The following ANKH variants were observed in gnomAD, a reference collection of about 807,000 sequenced individuals.
The protein encoded by ANKH is ANKH inorganic pyrophosphate transport regulator, also known as mineralization regulator ANKH.
A neutral mutation model predicts 49.0 loss-of-function variants in ANKH; 15 were observed. That is an observed-to-expected ratio of 0.31 (90% CI 0.20 to 0.47). ANKH has a LOEUF of 0.47. Ranked by LOEUF, ANKH falls within the 20% of genes least tolerant of loss-of-function variation. The pLI, the probability that ANKH is intolerant of heterozygous loss-of-function variation, is 1.00. For missense variants in ANKH, 429 were observed against 652.0 expected, an observed-to-expected ratio of 0.66 and a Z score of 3.72; for synonymous variants, 273 against 260.0, an observed-to-expected ratio of 1.05 and a Z score of -0.48.
intron 1 of ANKH, among the ~76,000 whole-genome samples, chr5:14,789,121 G>A (rs187970978): frequency 3.9e-5 from 6 of 152,170 alleles, no homozygotes; most frequent in South Asian, 4.2e-4. Context: ...CCAGCTACTC[G>A]GGAGGCTGAG....
intron 8 of ANKH, among the ~76,000 whole-genome samples, chr5:14,736,830 T>C (rs1738202228): frequency 6.6e-6 from 1 of 152,188 alleles, no homozygotes; most frequent in Non-Finnish European, 1.5e-5. Context: ...AGAGATCCCA[T>C]TTCCATTGTG....
intron 1 of ANKH, among the ~76,000 whole-genome samples, chr5:14,822,164 C>T (rs1192898922): frequency 6.6e-6 from 1 of 152,156 alleles, no homozygotes; most frequent in East Asian, 1.9e-4. Flanking sequence ...CTAGTCTGAA[C>T]TGTGATGTGC....
At chr5:14,719,245 G>A (rs1737588277) in intron 8 of ANKH, among the ~76,000 whole-genome samples, 1 of 152,172 alleles carries the variant, frequency 6.6e-6, no homozygotes, top group Non-Finnish European at 1.5e-5. Flanking sequence ...TTCTACCCTA[G>A]AACTCTAAAC....
At chr5:14,764,468 A>C (rs1253747213) in intron 2 of ANKH, among the ~76,000 whole-genome samples, 4 of 152,226 alleles carry the variant, frequency 2.6e-5, no homozygotes, top group Non-Finnish European at 5.9e-5. Flanking sequence ...GTTCGCCAAC[A>C]AGGAGCCCAC....
intron 1 of ANKH, among the ~76,000 whole-genome samples, chr5:14,849,688 G>C (rs1029310571): frequency 3.3e-5 from 5 of 152,188 alleles, no homozygotes; most frequent in African/African-American, 1.2e-4. Flanking sequence ...GTCTTCTCAC[G>C]AATGTTGCTC....
In ANKH at chr5:14,750,970, T is replaced by G. The variant is rs944403673; in HGVS notation, c.687+99A>C. 1.2e-5 allele frequency: 18 copies of G among 1,479,210 alleles called. No individual in the cohort carries two copies. In the Admixed American group the frequency reaches 2.9e-4, roughly 24 times the overall value. 91.6% of individuals were successfully genotyped at this position (1,479,210 alleles called of 1,614,324 possible). On this transcript the variant is annotated intron_variant, in intron 5 of 11. Transcript: ENST00000284268. Reference sequence around the variant, plus strand: ...GGGTATGACATCCTGGCCAACTTCATGTTTTGATGTCACTGATTTCTCATT... The same window carrying G: ...GGGTATGACATCCTGGCCAACTTCAGGTTTTGATGTCACTGATTTCTCATT...
chr5:14,825,889 T>C (rs1461467551), intron 1 of ANKH: 2 of 152,428 alleles, frequency 1.3e-5, no homozygotes, highest in Admixed American at 6.5e-5. Context: ...CATCATGTTA[T>C]GTAACCTCCA....
intron 1 of ANKH, among the ~76,000 whole-genome samples, chr5:14,845,029 G>GAA (rs35839744): frequency 2.6e-5 from 3 of 114,052 alleles, no homozygotes; most frequent in African/African-American, 3.0e-5. Context: ...AAGCGTGCAA[G>GAA]AAAAAAAAAA....
intron 2 of ANKH, among the ~76,000 whole-genome samples, chr5:14,765,607 G>GA (rs369395796): frequency 1.2e-4 from 17 of 146,656 alleles, no homozygotes; most frequent in East Asian, 4.0e-4. Context: ...GCGGGGTCAA[G>GA]AAAAAAAAAA....
At chr5:14,847,433 C>A (rs1373759314) in intron 1 of ANKH, among the ~76,000 whole-genome samples, 3 of 152,198 alleles carry the variant, frequency 2.0e-5, no homozygotes, top group Non-Finnish European at 2.9e-5. Context: ...ATCGCCGGAA[C>A]CTGCATGTTG....
intron 1 of ANKH, among the ~76,000 whole-genome samples, chr5:14,776,121 C>T (rs893936694): frequency 1.3e-5 from 2 of 152,304 alleles, no homozygotes; most frequent in African/African-American, 2.4e-5. Context: ...GGCCGCCCCC[C>T]GCATCCTCCT....
At chr5:14,765,907 C>A (rs1374212243) in intron 2 of ANKH, among the ~76,000 whole-genome samples, 2 of 152,186 alleles carry the variant, frequency 1.3e-5, no homozygotes, top group Non-Finnish European at 2.9e-5. Flanking sequence ...GAAGACCCTC[C>A]AGGGATTGGT....
At chr5:14,720,507 T>C (rs1413492201) in intron 8 of ANKH, among the ~76,000 whole-genome samples, 2 of 152,186 alleles carry the variant, frequency 1.3e-5, no homozygotes, top group East Asian at 3.8e-4. Flanking sequence ...TATTTCCCTG[T>C]CCATATCCCA....
intron 1 of ANKH, among the ~76,000 whole-genome samples, chr5:14,777,991 C>T (rs1366193379): frequency 6.6e-6 from 1 of 152,210 alleles, no homozygotes; most frequent in Non-Finnish European, 1.5e-5. Context: ...AAAAGCCCTG[C>T]AGTCCCGCTC....
intron 1 of ANKH, among the ~76,000 whole-genome samples, chr5:14,818,083 G>GA (rs1741090974): frequency 1.1e-4 from 8 of 75,240 alleles, no homozygotes; most frequent in African/African-American, 1.5e-4. Context: ...AAAAAAAAAA[G>GA]GAAAAAAAAA....
At chr5:14,750,328 A>G (rs1738670250) in intron 5 of ANKH, among the ~76,000 whole-genome samples, 1 of 152,232 alleles carries the variant, frequency 6.6e-6, no homozygotes, top group African/African-American at 2.4e-5. Flanking sequence ...TGCTTTGGTC[A>G]TCTCTATAAG....
intron 2 of ANKH, among the ~76,000 whole-genome samples, chr5:14,759,841 A>C (rs1229448352): frequency 1.2e-5 from 1 of 83,290 alleles, no homozygotes; most frequent in Non-Finnish European, 2.6e-5. Flanking sequence ...AAGGGAAGGG[A>C]AGGGAAGGAA....
rs1561047330 is a variant in ANKH at position 14,770,103 on chromosome 5, A to G, written c.97-912T>C. On this transcript the variant is annotated intron_variant, in intron 1 of 11. Coordinates refer to ENST00000284268, the MANE Select transcript of ANKH (RefSeq NM_054027.6). This position sits in a 1 kb window ranked among gnomAD's most constrained non-coding sequence, Gnocchi z 4.1. Reference sequence around the variant, plus strand: ...ATCTGTCATTAGGAACAGGAAACTAAGCAGAAGAGTCAGCTTTCTGTATAG... The same window carrying G: ...ATCTGTCATTAGGAACAGGAAACTAGGCAGAAGAGTCAGCTTTCTGTATAG... Among the ~76,000 whole-genome samples the G allele has an allele frequency of 6.6e-6, 1 of 152,246 alleles. No individual in the cohort carries two copies. Among genetic ancestry groups the G allele is most frequent in the Non-Finnish European group, 1.5e-5 (1 of 68,044 alleles).
intron 1 of ANKH, among the ~76,000 whole-genome samples, chr5:14,784,803 C>T (rs947788173): frequency 4.0e-4 from 61 of 152,192 alleles, no homozygotes; most frequent in African/African-American, 1.4e-3. Flanking sequence ...AGTGATGGAT[C>T]ACTCTTCTCT....
Sources: allele counts gnomAD v4.1 joint callset (sites outside exome capture counted in the v4.1 genomes callset), GRCh38; gene constraint gnomAD v4.1.1; non-coding constraint Gnocchi (gnomAD v3.1); transcripts MANE v1.5; gene names NCBI Gene and HGNC (gene_info 2026-07-23, HGNC 2026-07-21).